Variants in PRKAG2 observed in about 807,000 individuals in gnomAD.
The protein encoded by PRKAG2 is 5'-AMP-activated protein kinase subunit gamma-2.
A neutral mutation model predicts 69.6 loss-of-function variants in PRKAG2; 26 were observed. The ratio of observed to expected loss-of-function variants is 0.37; its 90% CI spans 0.27 to 0.52. The LOEUF is 0.52. Ranked by LOEUF, PRKAG2 falls within the 20% of genes least tolerant of loss-of-function variation. The probability of loss-of-function intolerance (pLI) is 0.90; values close to 1 mark genes in which losing one functional copy is unlikely to be tolerated. For synonymous variants in PRKAG2, 293 were observed against 285.0 expected, an observed-to-expected ratio of 1.03 and a Z score of -0.28; for missense variants, 557 against 740.0, an observed-to-expected ratio of 0.75 and a Z score of 2.87.
In PRKAG2 at chr7:151,710,013, G is replaced by GC. The variant is rs557027414; in HGVS notation, c.467-34377dup. On this transcript the variant is annotated intron_variant, in intron 3 of 15. Coordinates refer to ENST00000287878, the MANE Select transcript of PRKAG2 (RefSeq NM_016203.4). The stretch of plus-strand genomic sequence containing the variant: ...CAGGAGGAAAAGCATTTACAGTAGA[G>GC]CCCCACGGAGCACTCTCGAGTCTAG... Among the ~76,000 whole-genome samples, 537 of 152,280 alleles carry GC rather than the reference G, an allele frequency of 3.5e-3. 2 individuals are homozygous for GC. The highest frequency in any genetic ancestry group is 4.5e-3 in the Non-Finnish European group (308 of 68,022).
chr7:151,666,772 A>G (rs1831105587), intron 4 of PRKAG2, among the ~76,000 whole-genome samples: 1 of 152,126 alleles, frequency 6.6e-6, no homozygotes, highest in South Asian at 2.1e-4. Flanking sequence ...GTCCTAACCA[A>G]CCATCCTGCA....
chr7:151,873,744 C>T (rs2080273826), intron 1 of PRKAG2, among the ~76,000 whole-genome samples: 3 of 152,164 alleles, frequency 2.0e-5, no homozygotes, highest in South Asian at 2.1e-4. Flanking sequence ...GGTTTTTCAA[C>T]GTTCACGGCC....
chr7:151,702,311 G>A (rs566180493), intron 3 of PRKAG2, among the ~76,000 whole-genome samples: 2 of 152,294 alleles, frequency 1.3e-5, no homozygotes, highest in South Asian at 2.1e-4. Context: ...AGAGAGAGGA[G>A]GCCTCATCAT....
chr7:151,711,901 T>A (rs1795379218), intron 3 of PRKAG2, among the ~76,000 whole-genome samples: 2 of 152,216 alleles, frequency 1.3e-5, no homozygotes, highest in African/African-American at 4.8e-5. Flanking sequence ...ACTCTAGACA[T>A]GGGGACACAG....
At chr7:151,757,302 A>G (rs2075153544) in intron 3 of PRKAG2, among the ~76,000 whole-genome samples, 1 of 152,210 alleles carries the variant, frequency 6.6e-6, no homozygotes, top group African/African-American at 2.4e-5. Context: ...ATAAAGGAAG[A>G]GCTGTCTGTG....
intron 1 of PRKAG2, among the ~76,000 whole-genome samples, chr7:151,838,428 G>A (rs941734773): frequency 1.3e-5 from 2 of 151,862 alleles, no homozygotes; most frequent in Non-Finnish European, 2.9e-5. Flanking sequence ...CAAGGGGCAG[G>A]TGGGTGCAGT....
intron 1 of PRKAG2, among the ~76,000 whole-genome samples, chr7:151,874,620 C>T (rs1205106612): frequency 1.3e-5 from 2 of 152,070 alleles, no homozygotes; most frequent in African/African-American, 4.8e-5. Context: ...TGTGATGGCT[C>T]ACGCCTGTAA....
chr7:151,874,048 G>GTATGTA (rs772920308), intron 1 of PRKAG2, among the ~76,000 whole-genome samples: 1 of 130,914 alleles, frequency 7.6e-6, no homozygotes. Context: ...TGATGTATAT[G>GTATGTA]TATGTATATG....
At chr7:151,774,223 T>C (rs112110108) in intron 3 of PRKAG2, among the ~76,000 whole-genome samples, 1,550 of 152,216 alleles carry the variant, frequency 0.01, 24 homozygotes, top group African/African-American at 0.035. Flanking sequence ...AGGCAAATGT[T>C]AGTGAAAGAC....
At chr7:151,729,984 C>T (rs566304767) in intron 3 of PRKAG2, among the ~76,000 whole-genome samples, 60 of 152,276 alleles carry the variant, frequency 3.9e-4, no homozygotes, top group African/African-American at 1.4e-3. Context: ...TTATCACATT[C>T]GTAGAAAGTA....
intron 1 of PRKAG2, among the ~76,000 whole-genome samples, chr7:151,792,607 T>C (rs907265229): frequency 2.2e-4 from 33 of 152,332 alleles, no homozygotes; most frequent in African/African-American, 7.2e-4. Context: ...TTGATGCAGC[T>C]GGGATACCCC....
intron 3 of PRKAG2, among the ~76,000 whole-genome samples, chr7:151,741,056 A>C (rs2151711272): frequency 6.6e-6 from 1 of 152,264 alleles, no homozygotes; most frequent in East Asian, 1.9e-4. Context: ...TCGATTTAAA[A>C]ATAAAATAAC....
chr7:151,565,341 CTTACAA>C lies in PRKAG2; in HGVS notation c.1436_1437+4del. 7.2e-7 allele frequency: 1 copy of C among 1,384,808 alleles called. No homozygotes were observed. 85.8% of individuals were successfully genotyped at this position (1,384,808 alleles called of 1,614,324 possible). A position where few individuals can be genotyped will look rare whatever the true frequency, so the allele number is the denominator to read the frequency against. ...TGACAGATTGAACAAAATTAAAATA[CTTACAA>C]TTACATCAAATTTGGAATAAATATC... On this transcript the variant is annotated splice_donor_variant and splice_donor_region_variant and coding_sequence_variant and intron_variant, in exon 13 of 16. Transcript: ENST00000287878. LOFTEE classifies it high-confidence loss of function.
chr7:151,792,418 AT>A (rs1334538377), intron 1 of PRKAG2, among the ~76,000 whole-genome samples: 7 of 152,166 alleles, frequency 4.6e-5, no homozygotes, highest in Non-Finnish European at 1.0e-4. Context: ...TTATCCCAAT[AT>A]TTCCCCATAG....
rs555469301 is a variant in PRKAG2 at position 151,681,055 on chromosome 7, C to G, written c.467-5418G>C. ...CTGTGACCAAGCCCCTCCCCACCCC[C>G]TGCCGAGAGCTCTTAAGAGCACAAA... On this transcript the variant is annotated intron_variant, in intron 3 of 15. Coordinates refer to ENST00000287878, the MANE Select transcript of PRKAG2 (RefSeq NM_016203.4). Among the ~76,000 whole-genome samples the G allele has an allele frequency of 2.6e-5, 4 of 152,356 alleles. No individual in the cohort carries two copies. In the South Asian group the frequency reaches 8.3e-4, roughly 32 times the overall value.
At chr7:151,596,630 T>A (rs1309956530) in intron 5 of PRKAG2, among the ~76,000 whole-genome samples, 1 of 152,132 alleles carries the variant, frequency 6.6e-6, no homozygotes, top group African/African-American at 2.4e-5. Context: ...AGGCCTGTAA[T>A]CCCAGCTTCT....
intron 5 of PRKAG2, among the ~76,000 whole-genome samples, chr7:151,604,303 T>C (rs1018393787): frequency 6.6e-6 from 1 of 152,180 alleles, no homozygotes; most frequent in Non-Finnish European, 1.5e-5. Flanking sequence ...CATCTTGCAT[T>C]AGCATGGTGC....
At chr7:151,839,691 C>T (rs2079231127) in intron 1 of PRKAG2, among the ~76,000 whole-genome samples, 1 of 152,214 alleles carries the variant, frequency 6.6e-6, no homozygotes, top group Non-Finnish European at 1.5e-5. Flanking sequence ...GACACCTGGT[C>T]CTGACTTGGG....
At chr7:151,709,796 GAT>G (rs955971542) in intron 3 of PRKAG2, among the ~76,000 whole-genome samples, 1 of 152,174 alleles carries the variant, frequency 6.6e-6, no homozygotes, top group African/African-American at 2.4e-5. Context: ...GATGTGAAGT[GAT>G]ATGTGTAACA....
Sources: gnomAD v4.1 joint callset for allele counts (sites outside exome capture counted in the v4.1 genomes callset) on GRCh38, gnomAD v4.1.1 for gene constraint, MANE v1.5 for transcripts, NCBI Gene and HGNC (gene_info 2026-07-23, HGNC 2026-07-21) for gene names.